MMD2: variants seen among roughly 807,000 people sequenced by gnomAD.
MMD2 encodes the protein monocyte to macrophage differentiation factor 2.
A neutral mutation model predicts 33.5 loss-of-function variants in MMD2; 30 were observed. That is an observed-to-expected ratio of 0.90 (90% CI 0.67 to 1.22). The LOEUF is 1.22. MMD2 is among the 50% of genes most tolerant of loss of function. The pLI, the probability that MMD2 is intolerant of heterozygous loss-of-function variation, is 0.00. For synonymous variants in MMD2, 129 were observed against 123.0 expected (o/e 1.05, Z -0.32); for missense variants, 364 against 325.4 (o/e 1.12, Z -0.91).
downstream of MMD2, among the ~76,000 whole-genome samples, chr7:4,904,959 C>T (rs1784842432): frequency 6.6e-6 from 1 of 152,156 alleles, no homozygotes; most frequent in Non-Finnish European, 1.5e-5. Flanking sequence ...CAGAAGTTCC[C>T]CAGTGCTGAT....
At chr7:4,925,395 C>A in intron 2 of MMD2, 56 bp downstream of exon 2, 2 of 1,381,904 alleles carry the variant, frequency 1.4e-6, no homozygotes, top group Non-Finnish European at 2.0e-6. Flanking sequence ...TTCCCCCACC[C>A]CCCTTCCCCG....
At chr7:4,955,573 G>A (rs1269067347) in intron 1 of MMD2, among the ~76,000 whole-genome samples, 3 of 151,916 alleles carry the variant, frequency 2.0e-5, no homozygotes, top group African/African-American at 7.3e-5. Context: ...GACTTGTGGG[G>A]AAAAAAATGT....
rs1785132181 is a variant in MMD2, at chr7:4,916,008, G to C, written c.362C>G (p.Pro121Arg). 1 of 1,613,794 alleles carries C rather than the reference G, an allele frequency of 6.2e-7. No homozygotes were observed. Among genetic ancestry groups the C allele is most frequent in the South Asian group, 1.1e-5 (1 of 91,080 alleles). Residue 121 changes from proline to arginine, a missense_variant, in exon 4 of 7, where the codon CCC (proline) becomes CGC (arginine). Pro to Arg is a moderately radical substitution (Grantham distance 103). Coordinates refer to ENST00000401401, the MANE Select transcript of MMD2 (RefSeq NM_198403.4). ...TGGGCGGCGGGACGGTACTCACCAGGGTGCGTAGGAAGCCGCTATGAAGAA... is the reference window on the plus strand; with the variant it reads ...TGGGCGGCGGGACGGTACTCACCAGCGTGCGTAGGAAGCCGCTATGAAGAA... ...IYFFIAASYA[P>R]WLNLRELGPW...
At chr7:4,902,277 T>A (rs1464538505), downstream of MMD2, among the ~76,000 whole-genome samples, 1 of 152,186 alleles carries the variant, frequency 6.6e-6, no homozygotes, top group Non-Finnish European at 1.5e-5. Flanking sequence ...TAATTTTTTT[T>A]AAGGTCAGCT....
chr7:4,953,254 G>T (rs1786297191), intron 1 of MMD2, among the ~76,000 whole-genome samples: 1 of 151,644 alleles, frequency 6.6e-6, no homozygotes, highest in South Asian at 2.1e-4. Context: ...CTCCAGGAGG[G>T]CAGGGAATTG....
rs376195083 is a variant in MMD2 at position 4,932,602 on chromosome 7, T to G, written c.48-7070A>C. 3.4e-5 allele frequency among the ~76,000 whole-genome samples: 5 copies of G among 148,838 alleles called. No individual in the cohort carries two copies. In the South Asian group the frequency reaches 8.7e-4, roughly 26 times the overall value. On this transcript the variant is annotated intron_variant, in intron 1 of 6. Transcript: ENST00000401401. ...AGTGCCAGCCGGGCAGCTAAGGCCC[T>G]GTCCCCTGTCCTCTGTGGTGCATTT...
chr7:4,954,612 T>C (rs1786335151), intron 1 of MMD2, among the ~76,000 whole-genome samples: 1 of 151,810 alleles, frequency 6.6e-6, no homozygotes, highest in Non-Finnish European at 1.5e-5. Flanking sequence ...AGAGATGGGG[T>C]TTCACCATGT....
rs755159997 is a variant in MMD2, at chr7:4,907,416, G to T, written c.721C>A (p.Gln241Lys). 1.2e-6 allele frequency: 2 copies of T among 1,613,756 alleles called. No individual in the cohort carries two copies. Among genetic ancestry groups the T allele is most frequent in the African/African-American group, 2.7e-5 (2 of 74,944 alleles). ...TCACCTCATTTGGACACCTTGGTCT[G>T]CAGGGTGCTGGGCAGATAGAGGTAC... ...WRYLYLPSTLQTKVSK is the reference protein window; with the variant it reads ...WRYLYLPSTLKTKVSK The change falls in exon 7 of 7, where the codon CAG becomes AAG. Residue 241 changes from glutamine to lysine, a missense_variant. Physicochemically the swap from Gln to Lys is moderately conservative, Grantham distance 53 (BLOSUM62 1). Coordinates refer to ENST00000401401, the MANE Select transcript of MMD2 (RefSeq NM_198403.4).
intron 1 of MMD2, among the ~76,000 whole-genome samples, chr7:4,952,233 G>T (rs1015834628): frequency 6.6e-6 from 1 of 152,216 alleles, no homozygotes; most frequent in Non-Finnish European, 1.5e-5. Flanking sequence ...GGACATGTGG[G>T]GCCATCCCCT....
the MMD2 span, among the ~76,000 whole-genome samples, chr7:4,900,790 C>A: frequency 2.4e-3 from 372 of 152,264 alleles, 1 homozygote; most frequent in African/African-American, 8.5e-3. Flanking sequence ...CCTGCCGCCT[C>A]CTCTCCACAC....
intron 1 of MMD2, among the ~76,000 whole-genome samples, chr7:4,938,266 C>G (rs573081737): frequency 1.4e-4 from 22 of 152,066 alleles, no homozygotes; most frequent in Non-Finnish European, 2.6e-4. Context: ...ACCTCAGCCT[C>G]CCAAAGTGCT....
chr7:4,936,273 TAATAA>T (rs1488191782), intron 1 of MMD2, among the ~76,000 whole-genome samples: 4 of 150,822 alleles, frequency 2.7e-5, no homozygotes, highest in African/African-American at 9.7e-5. Context: ...AAAAATCAAG[TAATAA>T]AATTATATAC....
At chr7:4,924,709 C>T (rs1785376860) in intron 2 of MMD2, among the ~76,000 whole-genome samples, 1 of 152,198 alleles carries the variant, frequency 6.6e-6, no homozygotes, top group Non-Finnish European at 1.5e-5. Flanking sequence ...GAAAGGGTTT[C>T]ATAGGCAGGG....
At chr7:4,920,689 C>T (rs542377983) in intron 2 of MMD2, among the ~76,000 whole-genome samples, 1 of 17,152 alleles carries the variant, frequency 5.8e-5, no homozygotes, top group African/African-American at 6.8e-4. Context: ...CTCCCTCTCT[C>T]CTCCCTCCCT....
At chr7:4,950,716 T>C (rs969830656) in intron 1 of MMD2, among the ~76,000 whole-genome samples, 8 of 150,702 alleles carry the variant, frequency 5.3e-5, no homozygotes, top group African/African-American at 1.7e-4. Flanking sequence ...TTCCTTCTTT[T>C]TTTTTTTTTT....
intron 1 of MMD2, among the ~76,000 whole-genome samples, chr7:4,929,548 G>A (rs1339030593): frequency 6.6e-6 from 1 of 151,090 alleles, no homozygotes; most frequent in African/African-American, 2.4e-5. Context: ...TTTTTGAGAC[G>A]GAGTCTTGCT....
downstream of MMD2, among the ~76,000 whole-genome samples, chr7:4,903,107 G>A (rs377016024): frequency 4.6e-5 from 7 of 151,990 alleles, no homozygotes; most frequent in African/African-American, 1.2e-4. Flanking sequence ...GTGTGGTGAC[G>A]GGCACCTGTA....
chr7:4,932,233 G>A (rs775340553), intron 1 of MMD2, among the ~76,000 whole-genome samples: 13 of 152,076 alleles, frequency 8.5e-5, no homozygotes, highest in East Asian at 1.9e-4. Context: ...GAATGCTGGC[G>A]GAGAGGGGAG....
At chr7:4,911,452 A>G (rs2115090092) in intron 4 of MMD2, among the ~76,000 whole-genome samples, 2 of 152,302 alleles carry the variant, frequency 1.3e-5, no homozygotes, top group East Asian at 3.9e-4. Context: ...TGATTAGAGG[A>G]AAATTAGCAA....
Sources: gnomAD v4.1 joint callset for allele counts (sites outside exome capture counted in the v4.1 genomes callset) on GRCh38, gnomAD v4.1.1 for gene constraint, MANE v1.5 for transcripts, NCBI Gene and HGNC (gene_info 2026-07-23, HGNC 2026-07-21) for gene names.